The following MS4A6A variants were observed in gnomAD, a reference collection of about 807,000 sequenced individuals.
The protein encoded by MS4A6A is membrane-spanning 4-domains subfamily A member 6A.
A neutral mutation model predicts 20.6 loss-of-function variants in MS4A6A; 19 were observed. That is an observed-to-expected ratio of 0.92 (90% confidence interval 0.64 to 1.36). MS4A6A has a LOEUF of 1.36. MS4A6A is among the 40% of genes most tolerant of loss of function. The pLI, the probability that MS4A6A is intolerant of heterozygous loss-of-function variation, is 0.00. For missense variants in MS4A6A, 272 were observed against 261.1 expected (o/e 1.04, Z -0.29); for synonymous variants, 108 against 105.0 (o/e 1.03, Z -0.17).
rs140049004 is a variant in MS4A6A, at chr11:60,178,657, T to TA, written c.283-342dup. The TA allele has an allele frequency of 5.2e-3, 1,376 of 262,990 alleles. 2 individuals carry two copies. The highest frequency in any genetic ancestry group is 8.1e-3 in the South Asian group (200 of 24,650). The allele number at this position is 262,990 out of a possible 1,614,324, so 16.3% of individuals were successfully genotyped here. A position where few individuals can be genotyped will look rare whatever the true frequency, so the allele number is the denominator to read the frequency against. On this transcript the variant is annotated intron_variant, in intron 3 of 5. Coordinates refer to ENST00000528851, the MANE Select transcript of MS4A6A (RefSeq NM_022349.4). Reference sequence around the variant, plus strand: ...TAGGGAAGGACATAAAAGCAATGGTTAAAAAAAAAAGTAGTAATTTTACAG... The same window carrying TA: ...TAGGGAAGGACATAAAAGCAATGGTTAAAAAAAAAAAGTAGTAATTTTACAG...
chr11:60,173,202 C>T (rs1856671459), intron 5 of MS4A6A, 73 bp from the exon 6 acceptor site: 1 of 1,353,614 alleles, frequency 7.4e-7, no homozygotes, highest in Admixed American at 1.7e-5. Context: ...GAGAGGTGAC[C>T]ATAGAGATGA....
intron 2 of MS4A6A, 161 bp from the exon 3 acceptor site, chr11:60,180,126 C>A: frequency 1.4e-6 from 1 of 709,806 alleles, no homozygotes; most frequent in East Asian, 2.7e-5. Flanking sequence ...GAAAAGACAT[C>A]CTGGAGGGTG....
intron 5 of MS4A6A, among the ~76,000 whole-genome samples, chr11:60,174,606 G>T (rs1856744843): frequency 6.6e-6 from 1 of 152,098 alleles, no homozygotes; most frequent in South Asian, 2.1e-4. Flanking sequence ...TTATAGGGGT[G>T]AGCCACTGAC....
intron 5 of MS4A6A, among the ~76,000 whole-genome samples, chr11:60,173,634 T>C (rs1856694169): frequency 6.6e-6 from 1 of 152,252 alleles, no homozygotes; most frequent in African/African-American, 2.4e-5. Flanking sequence ...TGCAAGTCCT[T>C]TGTAAAATTT....
intron 2 of MS4A6A, chr11:60,181,296 C>A (rs530334460): frequency 1.3e-4 from 61 of 455,848 alleles, no homozygotes; most frequent in Non-Finnish European, 2.1e-4. Flanking sequence ...TATTTACCAC[C>A]ATTACTTTTG....
chr11:60,172,775 T>C lies in MS4A6A; in HGVS notation c.*226A>G. The C allele has an allele frequency of 7.6e-7, 1 of 1,310,798 alleles. No homozygotes were observed. The highest frequency in any genetic ancestry group is 9.8e-7 in the Non-Finnish European group (1 of 1,020,694). The allele number at this position is 1,310,798 out of a possible 1,614,324, so 81.2% of individuals were successfully genotyped here. A position where few individuals can be genotyped will look rare whatever the true frequency, so the allele number is the denominator to read the frequency against. On this transcript the variant is annotated 3_prime_UTR_variant, in exon 6 of 6. Coordinates refer to ENST00000528851, the MANE Select transcript of MS4A6A (RefSeq NM_022349.4). ...CTTCCCAGAGTCTCATTCCCTTCGC[T>C]GACAAAATAGGAAGATTGAATCAGT...
At chr11:60,180,775 A>T (rs1166796785) in intron 2 of MS4A6A, 5 of 294,494 alleles carry the variant, frequency 1.7e-5, no homozygotes, top group Non-Finnish European at 3.3e-5. Context: ...GCATGTTCTC[A>T]TGTATAACTG....
chr11:60,179,805 C>T, intron 3 of MS4A6A, 26 bp downstream of exon 3: 1 of 1,613,926 alleles, frequency 6.2e-7, no homozygotes, highest in South Asian at 1.1e-5. Flanking sequence ...TTGCCCCATC[C>T]TGCCCTCCTC....
intron 1 of MS4A6A, 27 bp downstream of exon 1, chr11:60,182,951 T>G: frequency 1.1e-5 from 15 of 1,328,274 alleles, no homozygotes; most frequent in Non-Finnish European, 1.3e-5. Context: ...AATAGTGAGA[T>G]GAGAAAAGTC....
At chr11:60,173,272 C>T (rs1565097053) in intron 5 of MS4A6A, 143 bp from the exon 6 acceptor site, 1 of 682,896 alleles carries the variant, frequency 1.5e-6, no homozygotes, top group Non-Finnish European at 2.5e-6. Flanking sequence ...AAAACTGCTC[C>T]TCCCACACCT....
rs149285040 is a variant in MS4A6A, at chr11:60,173,140, A to G, written c.550-11T>C. ...CAGAGAGAGAGTTCCCTGAAAGTCA[A>G]GAAATAAAAGATTGATGTTGCTTAG... On this transcript the variant is annotated splice_polypyrimidine_tract_variant and intron_variant, in intron 5 of 5. Transcript: ENST00000528851. 3.0e-5 allele frequency: 48 copies of G among 1,612,238 alleles called. No individual in the cohort carries two copies. The highest frequency in any genetic ancestry group is 3.8e-5 in the Non-Finnish European group (45 of 1,178,584).
At chr11:60,178,150 G>A (rs143587260) in intron 4 of MS4A6A, 110 bp downstream of exon 4, 1 of 963,952 alleles carries the variant, frequency 1.0e-6, no homozygotes, top group African/African-American at 1.6e-5. Context: ...ACAACCAACT[G>A]CTCTGGAACT....
chr11:60,182,352 G>C (rs1025919090), intron 1 of MS4A6A: 2 of 152,298 alleles, frequency 1.3e-5, no homozygotes, highest in African/African-American at 4.8e-5. Context: ...AGTTAATGCT[G>C]AAGAAATATT....
At chr11:60,175,374 T>C in intron 5 of MS4A6A, 28 bp downstream of exon 5, 4 of 1,546,652 alleles carry the variant, frequency 2.6e-6, no homozygotes, top group Non-Finnish European at 3.6e-6. Context: ...CCTCATAAGA[T>C]TAGAACATCC....
chr11:60,174,336 T>A (rs1856730022), intron 5 of MS4A6A, among the ~76,000 whole-genome samples: 1 of 151,612 alleles, frequency 6.6e-6, no homozygotes, highest in South Asian at 2.1e-4. Flanking sequence ...CTTTTTTTTT[T>A]TTTTTGAGAC....
intron 1 of MS4A6A, 29 bp downstream of exon 1, chr11:60,182,949 G>A (rs2083817107): frequency 7.6e-7 from 1 of 1,320,818 alleles, no homozygotes; most frequent in South Asian, 1.9e-5. Context: ...GGAATAGTGA[G>A]ATGAGAAAAG....
In MS4A6A at chr11:60,179,882, T is replaced by C; in HGVS notation, c.231A>G (p.Gln77=). The C allele has an allele frequency of 3.1e-6, 5 of 1,614,088 alleles. No homozygotes were observed. In the East Asian group the frequency reaches 6.7e-5, roughly 22 times the overall value. ...CAGAGTTCAACAGTGTAGAAGTCAC[T>C]TGGGTAAAATTTGGAGAGAAGGAAG... ...ASASFSPNFT[Q]VTSTLLNSAY... Residue 77 remains glutamine, a synonymous_variant, in exon 3 of 6, where the codon CAA becomes CAG. Transcript: ENST00000528851.
chr11:60,175,450 A>C lies in MS4A6A; in HGVS notation c.501T>G (p.His167Gln), dbSNP rs1409554517. 6.2e-7 allele frequency: 1 copy of C among 1,614,190 alleles called. No individual in the cohort carries two copies. The highest frequency in any genetic ancestry group is 1.7e-5 in the Admixed American group (1 of 60,028). The change falls in exon 5 of 6, where the codon CAT becomes CAG. Residue 167 changes from histidine (H) to glutamine (Q), a missense_variant. By Grantham distance (24) the His-to-Gln change is conservative. Coordinates refer to ENST00000528851, the MANE Select transcript of MS4A6A (RefSeq NM_022349.4). ...AGCAGTCCGTGGTATAAAGTGAATC[A>C]TGATAAAAGTAAGAAACATAACTTC... ...PTRSYVSYFYHDSLYTTDCYT... is the reference protein window; with the variant it reads ...PTRSYVSYFYQDSLYTTDCYT...
At chr11:60,183,636 T>C (rs1321792941), upstream of MS4A6A, 1 of 152,664 alleles carries the variant, frequency 6.6e-6, no homozygotes, top group African/African-American at 2.4e-5. Flanking sequence ...TGTTTGTTTG[T>C]TTTGTTTTAT....
Sources: allele counts gnomAD v4.1 joint callset (sites outside exome capture counted in the v4.1 genomes callset), GRCh38; gene constraint gnomAD v4.1.1; transcripts MANE v1.5; gene names NCBI Gene and HGNC (gene_info 2026-07-23, HGNC 2026-07-21).